CACNA2D3: variants seen among roughly 807,000 people sequenced by gnomAD.
CACNA2D3 encodes calcium voltage-gated channel auxiliary subunit alpha2delta 3.
A neutral mutation model predicts 160.6 loss-of-function variants in CACNA2D3; 60 were observed. The ratio of observed to expected loss-of-function variants is 0.37; its 90% CI spans 0.30 to 0.46. The LOEUF is 0.46. Ranked by LOEUF, CACNA2D3 falls within the 20% of genes least tolerant of loss-of-function variation. The pLI, the probability that CACNA2D3 is intolerant of heterozygous loss-of-function variation, is 1.00. For missense variants in CACNA2D3, 1,205 were observed against 1,365.0 expected (o/e 0.88, Z 1.85); for synonymous variants, 558 against 492.9 (o/e 1.13, Z -1.75).
chr3:54,223,727 G>C (rs901218824), intron 2 of CACNA2D3, among the ~76,000 whole-genome samples: 3 of 151,750 alleles, frequency 2.0e-5, no homozygotes, highest in African/African-American at 7.3e-5. Context: ...AGTGGCACGT[G>C]CTGAATCCCG....
chr3:54,168,594 T>C (rs1235428559), intron 2 of CACNA2D3, among the ~76,000 whole-genome samples: 1 of 152,038 alleles, frequency 6.6e-6, no homozygotes, highest in Non-Finnish European at 1.5e-5. Context: ...ATTCCCAGAG[T>C]GTTTGCTGAG....
chr3:54,674,483 G>T (rs1299802627), intron 11 of CACNA2D3, among the ~76,000 whole-genome samples: 1 of 152,194 alleles, frequency 6.6e-6, no homozygotes. Flanking sequence ...CGGCAGTGGG[G>T]AGGAGCCCCT....
chr3:54,920,413 A>C (rs1238263625), intron 27 of CACNA2D3, among the ~76,000 whole-genome samples: 2 of 151,900 alleles, frequency 1.3e-5, no homozygotes, highest in African/African-American at 4.8e-5. Context: ...ATCACCCACC[A>C]CCAGAGTGTC....
chr3:54,272,565 C>G (rs562572100), intron 2 of CACNA2D3, among the ~76,000 whole-genome samples: 4 of 152,020 alleles, frequency 2.6e-5, no homozygotes, highest in African/African-American at 9.7e-5. Flanking sequence ...TGTTCCCCTC[C>G]CAGGGATGAG....
At chr3:54,471,065 A>G (rs2106873458) in intron 4 of CACNA2D3, among the ~76,000 whole-genome samples, 1 of 152,356 alleles carries the variant, frequency 6.6e-6, no homozygotes, top group Middle Eastern at 3.4e-3. Context: ...CAGACCTAAT[A>G]GACATCTACA....
At chr3:54,311,904 A>G (rs1703751403) in intron 2 of CACNA2D3, among the ~76,000 whole-genome samples, 1 of 152,198 alleles carries the variant, frequency 6.6e-6, no homozygotes, top group African/African-American at 2.4e-5. Context: ...TAATGAATTT[A>G]TCTCTTGCAC....
chr3:54,196,133 C>CAGTAT (rs1701075461), intron 2 of CACNA2D3, among the ~76,000 whole-genome samples: 1 of 152,214 alleles, frequency 6.6e-6, no homozygotes, highest in African/African-American at 2.4e-5. Context: ...CCATGCCTTT[C>CAGTAT]AGTATCATTA....
At chr3:54,490,350 G>A (rs1233036357) in intron 4 of CACNA2D3, among the ~76,000 whole-genome samples, 1 of 151,998 alleles carries the variant, frequency 6.6e-6, no homozygotes, top group East Asian at 1.9e-4. Context: ...AGGCTCCCAC[G>A]CCCTGGCTCT....
intron 13 of CACNA2D3, among the ~76,000 whole-genome samples, chr3:54,815,006 A>T (rs559352520): frequency 4.1e-4 from 62 of 152,326 alleles, no homozygotes; most frequent in African/African-American, 1.2e-3. Flanking sequence ...TTTTCATTCC[A>T]CAATGTTCAT....
At position 54,227,390 on chromosome 3, in the gene CACNA2D3, T is replaced by G. The variant is rs76614984; in HGVS notation, c.205-93052T>G. Among the ~76,000 whole-genome samples, 1,060 of 152,270 alleles carry G rather than the reference T, an allele frequency of 7.0e-3. 14 individuals are homozygous for G. Among genetic ancestry groups the G allele is most frequent in the African/African-American group, 0.025 (1,021 of 41,556 alleles). On this transcript the variant is annotated intron_variant, in intron 2 of 37. Transcript: ENST00000474759. ...TTTACCCAGCTTGCAGTGTTTCATT[T>G]GCCCATGAAGTTGTTTACTTAGGGA...
intron 4 of CACNA2D3, among the ~76,000 whole-genome samples, chr3:54,442,789 C>T (rs1047303704): frequency 3.3e-5 from 5 of 152,160 alleles, no homozygotes; most frequent in Admixed American, 6.5e-5. Context: ...AGGCGAAGGG[C>T]CCTGCCTATG....
At position 54,193,149 on chromosome 3, in the gene CACNA2D3, C is replaced by T. The variant is rs115768917; in HGVS notation, c.204+69555C>T. On this transcript the variant is annotated intron_variant, in intron 2 of 37. Transcript: ENST00000474759. ...CTTTTACAGGTGAAGGCATGAAGCT[C>T]TCATGGTGAAGTGATACTTCCCAGT... Among the ~76,000 whole-genome samples the T allele has an allele frequency of 4.8e-3, 737 of 152,278 alleles. 4 individuals are homozygous for T. The highest frequency in any genetic ancestry group is 8.2e-3 in the Non-Finnish European group (555 of 68,022).
At chr3:54,401,048 TA>T (rs1699452902) in intron 4 of CACNA2D3, among the ~76,000 whole-genome samples, 1 of 151,978 alleles carries the variant, frequency 6.6e-6, no homozygotes, top group Admixed American at 6.5e-5. Context: ...TAAATATCAT[TA>T]AAAAGAACCA....
At chr3:54,768,893 G>T (rs543111020) in intron 13 of CACNA2D3, among the ~76,000 whole-genome samples, 5 of 152,220 alleles carry the variant, frequency 3.3e-5, no homozygotes, top group African/African-American at 4.8e-5. Flanking sequence ...ACATCTCCCG[G>T]TAGAATGTTC....
intron 2 of CACNA2D3, among the ~76,000 whole-genome samples, chr3:54,264,672 T>C (rs946565047): frequency 6.6e-6 from 1 of 152,232 alleles, no homozygotes; most frequent in African/African-American, 2.4e-5. Flanking sequence ...AGCTGGTGGC[T>C]TTATATTAGC....
At chr3:54,368,904 T>C (rs1046023445) in intron 3 of CACNA2D3, among the ~76,000 whole-genome samples, 4 of 151,716 alleles carry the variant, frequency 2.6e-5, no homozygotes, top group African/African-American at 9.7e-5. Context: ...GGTTTCATTG[T>C]GTTAGCCAGG....
intron 5 of CACNA2D3, among the ~76,000 whole-genome samples, chr3:54,538,477 A>G (rs139849629): frequency 6.6e-6 from 1 of 152,178 alleles, no homozygotes; most frequent in Non-Finnish European, 1.5e-5. Flanking sequence ...AAGAGAAGAC[A>G]GAGAGCACCC....
chr3:54,401,981 C>T (rs191695008), intron 4 of CACNA2D3, among the ~76,000 whole-genome samples: 5 of 152,060 alleles, frequency 3.3e-5, no homozygotes, highest in Admixed American at 1.3e-4. Context: ...ATTCTGACAT[C>T]AAAAATATAA....
rs183373227 is a variant in CACNA2D3, at chr3:54,655,163, T to G, written c.1167+12922T>G. On this transcript the variant is annotated intron_variant, in intron 11 of 37. Coordinates refer to ENST00000474759, the MANE Select transcript of CACNA2D3 (RefSeq NM_018398.3). ...TGCAATCTACTGATATGTCAAGTTC[T>G]TATTTCCTAGGTTTTTATTTCTCTT... 2.0e-5 allele frequency among the ~76,000 whole-genome samples: 3 copies of G among 152,328 alleles called. No homozygotes were observed. In the East Asian group the frequency reaches 5.8e-4, roughly 29 times the overall value.
Sources: gnomAD v4.1 joint callset for allele counts (sites outside exome capture counted in the v4.1 genomes callset) on GRCh38, gnomAD v4.1.1 for gene constraint, MANE v1.5 for transcripts, NCBI Gene and HGNC (gene_info 2026-07-23, HGNC 2026-07-21) for gene names.